ZNF536: variants seen among roughly 807,000 people sequenced by gnomAD.
The protein encoded by ZNF536 is zinc finger protein 536.
In ZNF536, 13 loss-of-function variants were observed where a neutral mutation model predicts 84.5. That is an observed-to-expected ratio of 0.15 (90% confidence interval 0.10 to 0.24). The LOEUF (loss-of-function observed/expected upper bound fraction) is 0.24, where lower values mean the gene tolerates loss of function less well. Among genes scored for constraint, ZNF536 ranks in the 10% least tolerant of loss-of-function variants. The probability of loss-of-function intolerance (pLI) is 1.00; values close to 1 mark genes in which losing one functional copy is unlikely to be tolerated. For synonymous variants in ZNF536, 811 were observed against 742.5 expected, an observed-to-expected ratio of 1.09 and a Z score of -1.50; for missense variants, 1,536 against 1,747.5, an observed-to-expected ratio of 0.88 and a Z score of 2.16.
At chr19:30,257,100 T>A (rs1038518660) in intron 1 of ZNF536, among the ~76,000 whole-genome samples, 7 of 152,232 alleles carry the variant, frequency 4.6e-5, no homozygotes, top group African/African-American at 1.7e-4. Flanking sequence ...TCTGTTGATC[T>A]TTTATAAACA....
intron 2 of ZNF536, among the ~76,000 whole-genome samples, chr19:30,523,261 C>A (rs1042729646): frequency 1.3e-5 from 2 of 152,196 alleles, no homozygotes; most frequent in Non-Finnish European, 2.9e-5. Context: ...TGACGCGTTG[C>A]TTTGGCAATA....
intron 2 of ZNF536, among the ~76,000 whole-genome samples, chr19:30,285,782 C>T (rs192150767): frequency 1.3e-5 from 2 of 152,286 alleles, no homozygotes; most frequent in East Asian, 3.9e-4. Flanking sequence ...TTGCAACATC[C>T]CTGGTCTCTG....
intron 2 of ZNF536, among the ~76,000 whole-genome samples, chr19:30,318,681 G>A (rs1177028335): frequency 6.6e-6 from 1 of 152,256 alleles, no homozygotes; most frequent in African/African-American, 2.4e-5. Flanking sequence ...GTGTTTGCAT[G>A]TGTGTGCATG....
chr19:30,486,033 G>A (rs2054290322), intron 2 of ZNF536, among the ~76,000 whole-genome samples: 1 of 152,102 alleles, frequency 6.6e-6, no homozygotes, highest in Non-Finnish European at 1.5e-5. Context: ...TATCCATCAG[G>A]AAAGGGAGAG....
intron 1 of ZNF536, among the ~76,000 whole-genome samples, chr19:30,280,304 C>T (rs1273666540): frequency 6.6e-6 from 1 of 151,808 alleles, no homozygotes; most frequent in African/African-American, 2.4e-5. Flanking sequence ...CTTCATCCTT[C>T]TCTCCTTCTC....
intron 1 of ZNF536, among the ~76,000 whole-genome samples, chr19:30,254,168 C>A (rs2024780742): frequency 6.6e-6 from 1 of 152,102 alleles, no homozygotes; most frequent in African/African-American, 2.4e-5. Flanking sequence ...CTAGTTACAC[C>A]ATTCCTTGAT....
intron 1 of ZNF536, among the ~76,000 whole-genome samples, chr19:30,671,514 C>T (rs181165509): frequency 2.6e-5 from 4 of 152,212 alleles, no homozygotes; most frequent in African/African-American, 9.6e-5. Flanking sequence ...TCTGGGGCTT[C>T]AGGGGTGCAG....
chr19:30,253,685 C>T (rs186967407), intron 1 of ZNF536, among the ~76,000 whole-genome samples: 5 of 152,068 alleles, frequency 3.3e-5, no homozygotes, highest in Non-Finnish European at 7.4e-5. Context: ...GGCGGGTGGA[C>T]GGGAGGAGTC....
chr19:30,497,462 T>G (rs1185647425), intron 2 of ZNF536, among the ~76,000 whole-genome samples: 1 of 152,168 alleles, frequency 6.6e-6, no homozygotes, highest in African/African-American at 2.4e-5. Flanking sequence ...AAAGGAGACC[T>G]TTGAGTTAAG....
intron 2 of ZNF536, among the ~76,000 whole-genome samples, chr19:30,483,406 C>A (rs913217168): frequency 1.3e-5 from 2 of 152,134 alleles, no homozygotes; most frequent in African/African-American, 2.4e-5. Flanking sequence ...TCAAACTCAG[C>A]AGGTCCCAAA....
At chr19:30,294,256 C>T (rs574952256) in intron 2 of ZNF536, among the ~76,000 whole-genome samples, 12 of 152,074 alleles carry the variant, frequency 7.9e-5, no homozygotes, top group Non-Finnish European at 1.3e-4. Context: ...CTGAGGTGGC[C>T]GTGAAGGGGT....
intron 1 of ZNF536, among the ~76,000 whole-genome samples, chr19:30,396,808 C>T (rs8100648): frequency 0.54 from 81,942 of 151,870 alleles, 22,618 homozygotes; most frequent in Non-Finnish European, 0.56. Context: ...TTTCACCATG[C>T]TGGCCAGGCT....
At chr19:30,576,949 C>T (rs1295584944) in intron 1 of ZNF536, among the ~76,000 whole-genome samples, 2 of 152,194 alleles carry the variant, frequency 1.3e-5, no homozygotes, top group Non-Finnish European at 2.9e-5. Context: ...ACTTTAAATA[C>T]TCTTTTGCCT....
At chr19:30,526,055 C>T (rs1325829433) in intron 2 of ZNF536, among the ~76,000 whole-genome samples, 1 of 152,204 alleles carries the variant, frequency 6.6e-6, no homozygotes, top group Non-Finnish European at 1.5e-5. Flanking sequence ...TCACCAAGGC[C>T]AGGTTCTTAG....
At chr19:30,651,905 T>C (rs571312633) in intron 1 of ZNF536, among the ~76,000 whole-genome samples, 2 of 152,336 alleles carry the variant, frequency 1.3e-5, no homozygotes, top group Non-Finnish European at 2.9e-5. Context: ...AGTGGTTCAA[T>C]AGAATTTCTT....
intron 1 of ZNF536, among the ~76,000 whole-genome samples, chr19:30,437,693 G>C (rs1254302507): frequency 6.6e-6 from 1 of 152,076 alleles, no homozygotes; most frequent in Non-Finnish European, 1.5e-5. Context: ...GCTCAGAAAA[G>C]GTCAGGACTG....
At chr19:30,288,210 A>G (rs2045716014) in intron 2 of ZNF536, among the ~76,000 whole-genome samples, 2 of 152,220 alleles carry the variant, frequency 1.3e-5, no homozygotes, top group African/African-American at 4.8e-5. Context: ...TGAGGGATTT[A>G]TGAGGCTGAA....
chr19:30,448,211 CTAAG>C (rs2052440849), intron 2 of ZNF536, among the ~76,000 whole-genome samples: 1 of 152,148 alleles, frequency 6.6e-6, no homozygotes, highest in Non-Finnish European at 1.5e-5. Flanking sequence ...AATTTTCTGA[CTAAG>C]TAGGAGAATT....
intron 1 of ZNF536, among the ~76,000 whole-genome samples, chr19:30,682,263 A>G (rs998633729): frequency 2.6e-5 from 4 of 152,116 alleles, no homozygotes; most frequent in African/African-American, 9.7e-5. Flanking sequence ...AGTAACCCCC[A>G]AGATGAAGCT....
Sources: allele counts gnomAD v4.1 joint callset (sites outside exome capture counted in the v4.1 genomes callset), GRCh38; gene constraint gnomAD v4.1.1; transcripts MANE v1.5; gene names NCBI Gene and HGNC (gene_info 2026-07-23, HGNC 2026-07-21).